UTP14C: variants seen among roughly 807,000 people sequenced by gnomAD.
UTP14C encodes UTP14C small subunit processome component.
A neutral mutation model predicts 14.6 loss-of-function variants in UTP14C; 10 were observed. That is an observed-to-expected ratio of 0.68 (90% CI 0.42 to 1.16). The LOEUF (loss-of-function observed/expected upper bound fraction) is 1.16. UTP14C is among the 50% of genes most tolerant of loss of function. UTP14C has a pLI of 0.00. For missense variants in UTP14C, 818 were observed against 890.8 expected (o/e 0.92, Z 1.04); for synonymous variants, 315 against 331.6 (o/e 0.95, Z 0.54).
rs968989067 is a variant in UTP14C, at chr13:52,033,504, A to C, written c.*2399A>C. The C allele has an allele frequency of 6.0e-6, 1 of 167,076 alleles. No individual in the cohort carries two copies. Among genetic ancestry groups the C allele is most frequent in the African/African-American group, 2.4e-5 (1 of 41,432 alleles). The allele number at this position is 167,076 out of a possible 1,614,324, so 10.3% of individuals were successfully genotyped here. A position where few individuals can be genotyped will look rare whatever the true frequency, so the allele number is the denominator to read the frequency against. On this transcript the variant is annotated 3_prime_UTR_variant, in exon 2 of 2. Coordinates refer to ENST00000521776, the MANE Select transcript of UTP14C (RefSeq NM_021645.6). ...CAGTGTGGTGCCTTTTATATGCCTC[A>C]CATAGTCTCCTTGTTCTCCTACTAA...
rs146487429 is a variant in UTP14C at position 52,029,874 on chromosome 13, C to A, written c.1070C>A (p.Pro357His). 71 of 1,614,160 alleles carry A rather than the reference C, an allele frequency of 4.4e-5. No homozygotes were observed. The African/African-American group carries it at 6.8e-4, about 15-fold the overall frequency. Residue 357 changes from proline to histidine, a missense_variant, in exon 2 of 2, where the codon CCT (proline) becomes CAT (histidine). Physicochemically the swap from Pro to His is moderately conservative, Grantham distance 77 (BLOSUM62 -2). Coordinates refer to ENST00000521776, the MANE Select transcript of UTP14C (RefSeq NM_021645.6). ...ACAGAAGTGGAAGAACTCCTTGTCCCTCATGTAGCGAATGAAGTGCAGATG... is the reference window on the plus strand; with the variant it reads ...ACAGAAGTGGAAGAACTCCTTGTCCATCATGTAGCGAATGAAGTGCAGATG... ...GGTEVEELLV[P>H]HVANEVQMNV...
rs906718066 is a variant in UTP14C, at chr13:52,030,591, A to C, written c.1787A>C (p.Glu596Ala). The C allele has an allele frequency of 6.2e-7, 1 of 1,614,202 alleles. No individual in the cohort carries two copies. The highest frequency in any genetic ancestry group is 1.3e-5 in the African/African-American group (1 of 75,044). The change falls in exon 2 of 2, where the codon GAA (glutamate) becomes GCA (alanine). Residue 596 changes from glutamate (E) to alanine (A), a missense_variant. By Grantham distance (107) the Glu-to-Ala change is moderately radical. Coordinates refer to ENST00000521776, the MANE Select transcript of UTP14C (RefSeq NM_021645.6). ...AGAGACCAAAGGCAGATGATAAAGG[A>C]AGCTTTTGCTGGGGATGATGTCATC... is the stretch of plus-strand genomic sequence containing the variant. ...EERDQRQMIKEAFAGDDVIRD... is the reference protein window; with the variant it reads ...EERDQRQMIKAAFAGDDVIRD...
chr13:52,031,356 C>G lies in UTP14C; in HGVS notation c.*251C>G. 1 of 517,240 alleles carries G rather than the reference C, an allele frequency of 1.9e-6. No homozygotes were observed. The highest frequency in any genetic ancestry group is 3.3e-6 in the Non-Finnish European group (1 of 298,528). The allele number at this position is 517,240 out of a possible 1,614,324, so 32.0% of individuals were successfully genotyped here. On this transcript the variant is annotated 3_prime_UTR_variant, in exon 2 of 2. Coordinates refer to ENST00000521776, the MANE Select transcript of UTP14C (RefSeq NM_021645.6). The stretch of plus-strand genomic sequence containing the variant: ...CAGTGGATGACCCTTTTGAATATAC[C>G]TAATGATTTCCTTAAAAAAGAAATT...
chr13:52,027,820 T>A (rs981466074), intron 1 of UTP14C, among the ~76,000 whole-genome samples: 1 of 152,262 alleles, frequency 6.6e-6, no homozygotes, highest in Non-Finnish European at 1.5e-5. Flanking sequence ...AATTGTTTTT[T>A]ATATGTTTTT....
At position 52,024,971 on chromosome 13, in the gene UTP14C, C is replaced by T. The variant is rs748429354; in HGVS notation, c.-487+34C>T. On this transcript the variant is annotated intron_variant, in intron 1 of 1. Transcript: ENST00000521776. ...GGCCTTTAAACAACTTGTTTGGTGCCATGAGATACACATTTTAAGTTCTTT... is the reference window on the plus strand; with the variant it reads ...GGCCTTTAAACAACTTGTTTGGTGCTATGAGATACACATTTTAAGTTCTTT... 8 of 1,570,704 alleles carry T rather than the reference C, an allele frequency of 5.1e-6. No individual in the cohort carries two copies. The Admixed American group carries it at 1.0e-4, about 20-fold the overall frequency.
rs768035716 is a variant in UTP14C, at chr13:52,030,762, C to T, written c.1958C>T (p.Pro653Leu). 1 of 1,614,180 alleles carries T rather than the reference C, an allele frequency of 6.2e-7. No homozygotes were observed. The highest frequency in any genetic ancestry group is 8.5e-7 in the Non-Finnish European group (1 of 1,180,028). Residue 653 changes from proline (P) to leucine (L), a missense_variant, in exon 2 of 2, where the codon CCT (proline) becomes CTT (leucine). Coordinates refer to ENST00000521776, the MANE Select transcript of UTP14C (RefSeq NM_021645.6). ...KKRRQFLIKA[P>L]EGPPRKDKNL... ...AGACGCCAGTTTCTCATTAAAGCCC[C>T]TGAGGGTCCTCCAAGAAAAGATAAG...
rs769412664 is a variant in UTP14C, at chr13:52,030,830, G to A, written c.2026G>A (p.Ala676Thr). Residue 676 changes from alanine (A) to threonine (T), a missense_variant, in exon 2 of 2, where the codon GCA (alanine) becomes ACA (threonine). By Grantham distance (58) the Ala-to-Thr change is moderately conservative. Coordinates refer to ENST00000521776, the MANE Select transcript of UTP14C (RefSeq NM_021645.6). ...VIISEKRNIH[A>T]AAHQVQVLPY... ...TATCAGTGAGAAGCGCAACATCCAC[G>A]CAGCAGCTCATCAGGTACAAGTGCT... 11 of 1,614,022 alleles carry A rather than the reference G, an allele frequency of 6.8e-6. No individual in the cohort carries two copies. The highest frequency in any genetic ancestry group is 1.6e-4 in the Middle Eastern group (1 of 6,084).
Position 52,030,188 on chromosome 13 carries a change from T to A in UTP14C, c.1384T>A (p.Ser462Thr). ...GGTGCTGTCCGAATTGAGGGCACTATCTCAGAAATTGAAGGAAAAACATCA... is the reference window on the plus strand; with the variant it reads ...GGTGCTGTCCGAATTGAGGGCACTAACTCAGAAATTGAAGGAAAAACATCA... ...QEVLSELRAL[S>T]QKLKEKHQSR... The change falls in exon 2 of 2, where the codon TCT becomes ACT. Residue 462 changes from serine (S) to threonine (T), a missense_variant. Physicochemically the swap from Ser to Thr is moderately conservative, Grantham distance 58. Transcript: ENST00000521776. 6.2e-7 allele frequency: 1 copy of A among 1,614,124 alleles called. No homozygotes were observed. The highest frequency in any genetic ancestry group is 8.5e-7 in the Non-Finnish European group (1 of 1,180,032).
Position 52,030,538 on chromosome 13 carries a change from AAT to A in UTP14C, c.1736_1737del (p.Ile579ArgfsTer6). 1 of 1,614,154 alleles carries A rather than the reference AAT, an allele frequency of 6.2e-7. No individual in the cohort carries two copies. The highest frequency in any genetic ancestry group is 1.6e-4 in the Middle Eastern group (1 of 6,062). On this transcript the variant is annotated frameshift_variant, in exon 2 of 2. Transcript: ENST00000521776. LOFTEE classifies it high-confidence loss of function. Reference sequence around the variant, plus strand: ...TGAGGTCTTTGGCAGTTCCCACAATAATAGAGGAGCTGGAAGATGAAGAGGAG... The same window carrying A: ...TGAGGTCTTTGGCAGTTCCCACAATAAGAGGAGCTGGAAGATGAAGAGGAG... ...SVRSLAVPTI[I>X]EELEDEEERD... is the part of the protein sequence containing the mutation.
chr13:52,025,771 CTGTTAGT>C (rs1253538790), intron 1 of UTP14C, among the ~76,000 whole-genome samples: 2 of 152,232 alleles, frequency 1.3e-5, no homozygotes, highest in Non-Finnish European at 2.9e-5. Context: ...GTGCCTCACA[CTGTTAGT>C]TGTTAGGGGA....
Position 52,024,840 on chromosome 13 carries a change from G to C in UTP14C, c.-584G>C. The C allele has an allele frequency of 6.2e-7, 1 of 1,613,878 alleles. No homozygotes were observed. Among genetic ancestry groups the C allele is most frequent in the Admixed American group, 1.7e-5 (1 of 60,026 alleles). On this transcript the variant is annotated 5_prime_UTR_variant, in exon 1 of 2. Coordinates refer to ENST00000521776, the MANE Select transcript of UTP14C (RefSeq NM_021645.6). ...AGGATTTAGGAGTTCAAGAATATGT[G>C]GAATTTAAAATAAACATTCCATTTG...
intron 1 of UTP14C, among the ~76,000 whole-genome samples, chr13:52,025,740 CAT>C (rs1348478333): frequency 2.6e-5 from 4 of 152,204 alleles, no homozygotes; most frequent in Admixed American, 1.3e-4. Context: ...TTTGGGTCCA[CAT>C]ATATTTCTCA....
At chr13:52,027,073 T>G (rs1262437036) in intron 1 of UTP14C, among the ~76,000 whole-genome samples, 1 of 152,096 alleles carries the variant, frequency 6.6e-6, no homozygotes, top group African/African-American at 2.4e-5. Context: ...ATTCCGATGC[T>G]GCCCAGATGC....
Position 52,028,644 on chromosome 13 carries a change from T to C in UTP14C, c.-161T>C. 4 of 1,567,436 alleles carry C rather than the reference T, an allele frequency of 2.6e-6. No individual in the cohort carries two copies. Among genetic ancestry groups the C allele is most frequent in the Non-Finnish European group, 3.5e-6 (4 of 1,144,662 alleles). ...TATATAAACTGGTTAAACACCTTCATATGTAAATATTTTTCTAAATTCAAT... is the reference window on the plus strand; with the variant it reads ...TATATAAACTGGTTAAACACCTTCACATGTAAATATTTTTCTAAATTCAAT... On this transcript the variant is annotated 5_prime_UTR_variant, in exon 2 of 2. Transcript: ENST00000521776.
Position 52,029,322 on chromosome 13 carries a change from C to T in UTP14C, c.518C>T (p.Ala173Val), listed in dbSNP as rs373225319. The T allele has an allele frequency of 3.7e-5, 59 of 1,614,122 alleles. No homozygotes were observed. The highest frequency in any genetic ancestry group is 1.6e-4 in the African/African-American group (12 of 75,026). The change falls in exon 2 of 2, where the codon GCG (alanine) becomes GTG (valine). Residue 173 changes from alanine to valine, a missense_variant. Coordinates refer to ENST00000521776, the MANE Select transcript of UTP14C (RefSeq NM_021645.6). Reference sequence around the variant, plus strand: ...CCAGCCATTGCTCCCATTGAACATGCGCTCAGTGGCTGGAAGGCAAGAACT... The same window carrying T: ...CCAGCCATTGCTCCCATTGAACATGTGCTCAGTGGCTGGAAGGCAAGAACT... ...EQPAIAPIEHALSGWKARTPL... is the reference protein window; with the variant it reads ...EQPAIAPIEHVLSGWKARTPL...
chr13:52,029,862 A>T lies in UTP14C; in HGVS notation c.1058A>T (p.Glu353Val). ...EEEEGGTEVE[E>V]LLVPHVANEV... ...GAGGAGGGAGGCACAGAAGTGGAAG[A>T]ACTCCTTGTCCCTCATGTAGCGAAT... is the stretch of plus-strand genomic sequence containing the variant. Residue 353 changes from glutamate (E) to valine (V), a missense_variant, in exon 2 of 2, where the codon GAA becomes GTA. Glu to Val is a moderately radical substitution (Grantham distance 121). Transcript: ENST00000521776. 1.2e-6 allele frequency: 2 copies of T among 1,614,220 alleles called. No homozygotes were observed. Among genetic ancestry groups the T allele is most frequent in the Non-Finnish European group, 1.7e-6 (2 of 1,180,042 alleles).
At position 52,032,436 on chromosome 13, in the gene UTP14C, A is replaced by G. The variant is rs1372027127; in HGVS notation, c.*1331A>G. 3 of 167,132 alleles carry G rather than the reference A, an allele frequency of 1.8e-5. No homozygotes were observed. Among genetic ancestry groups the G allele is most frequent in the African/African-American group, 7.2e-5 (3 of 41,482 alleles). The allele number at this position is 167,132 out of a possible 1,614,324, so 10.4% of individuals were successfully genotyped here. A position where few individuals can be genotyped will look rare whatever the true frequency, so the allele number is the denominator to read the frequency against. The stretch of plus-strand genomic sequence containing the variant: ...AATATATGTGTGAGCAGATATGGCT[A>G]TAAAGACCTATAGCTTTTGCACTTT... On this transcript the variant is annotated 3_prime_UTR_variant, in exon 2 of 2. Coordinates refer to ENST00000521776, the MANE Select transcript of UTP14C (RefSeq NM_021645.6).
chr13:52,028,719 A>G lies in UTP14C; in HGVS notation c.-86A>G. On this transcript the variant is annotated 5_prime_UTR_variant, in exon 2 of 2. Coordinates refer to ENST00000521776, the MANE Select transcript of UTP14C (RefSeq NM_021645.6). ...TAGAAAACAGACAAAATTTCCTTTTAGAATAAAAGGAAGTGTTGAAAAGAA... is the reference window on the plus strand; with the variant it reads ...TAGAAAACAGACAAAATTTCCTTTTGGAATAAAAGGAAGTGTTGAAAAGAA... 6.3e-7 allele frequency: 1 copy of G among 1,592,448 alleles called. No individual in the cohort carries two copies. The highest frequency in any genetic ancestry group is 1.1e-5 in the South Asian group (1 of 89,300).
In UTP14C at chr13:52,026,150, A is replaced by G. The variant is rs148170016; in HGVS notation, c.-487+1213A>G. ...GCAGGGTGATGTGAAAGCGCCAAAG[A>G]GAAACCTAACACAGACTTGTGCGGG... On this transcript the variant is annotated intron_variant, in intron 1 of 1. Transcript: ENST00000521776. 3.3e-5 allele frequency among the ~76,000 whole-genome samples: 5 copies of G among 152,318 alleles called. No individual in the cohort carries two copies. The East Asian group carries it at 7.7e-4, about 24-fold the overall frequency.
Sources: gnomAD v4.1 joint callset for allele counts (sites outside exome capture counted in the v4.1 genomes callset) on GRCh38, gnomAD v4.1.1 for gene constraint, MANE v1.5 for transcripts, NCBI Gene and HGNC (gene_info 2026-07-23, HGNC 2026-07-21) for gene names.